TTC7B: variants seen among roughly 807,000 people sequenced by gnomAD.
TTC7B encodes the protein tetratricopeptide repeat protein 7B.
In TTC7B, 28 loss-of-function variants were observed where a neutral mutation model predicts 106.8. That is an observed-to-expected ratio of 0.26 (90% CI 0.19 to 0.36). TTC7B has a LOEUF of 0.36. Ranked by LOEUF, TTC7B falls within the 10% of genes least tolerant of loss-of-function variation. The pLI is 1.00. For synonymous variants in TTC7B, 405 were observed against 430.6 expected, an observed-to-expected ratio of 0.94 and a Z score of 0.74; for missense variants, 862 against 1,076.4, an observed-to-expected ratio of 0.80 and a Z score of 2.79.
intron 19 of TTC7B, among the ~76,000 whole-genome samples, chr14:90,573,983 A>T (rs1891155758): frequency 6.6e-6 from 1 of 152,136 alleles, no homozygotes; most frequent in Non-Finnish European, 1.5e-5. Flanking sequence ...TGCCCTCAAA[A>T]GCCCAGGCTG....
At position 90,532,075 on chromosome 14, in the gene TTC7B, G is replaced by A. The variant is rs972332521; in HGVS notation, c.*9293C>T. 1.3e-5 allele frequency: 2 copies of A among 152,278 alleles called. No individual in the cohort carries two copies. The highest frequency in any genetic ancestry group is 4.8e-5 in the African/African-American group (2 of 41,432). The allele number at this position is 152,278 out of a possible 1,614,324, so 9.4% of individuals were successfully genotyped here. Reference sequence around the variant, plus strand: ...CCAGCTACTCAGGAGGCTGAGGTGGGAGGATCACTTGAGCCTGGGAGGTGG... The same window carrying A: ...CCAGCTACTCAGGAGGCTGAGGTGGAAGGATCACTTGAGCCTGGGAGGTGG... On this transcript the variant is annotated 3_prime_UTR_variant, in exon 20 of 20. Transcript: ENST00000328459.
At chr14:90,722,398 G>A (rs1035321258) in intron 5 of TTC7B, among the ~76,000 whole-genome samples, 2 of 152,072 alleles carry the variant, frequency 1.3e-5, no homozygotes, top group South Asian at 4.2e-4. Flanking sequence ...CTAGATTCCT[G>A]GTGGCCAAAT....
At chr14:90,617,370 G>A (rs1357202276) in intron 16 of TTC7B, among the ~76,000 whole-genome samples, 2 of 152,148 alleles carry the variant, frequency 1.3e-5, no homozygotes, top group Non-Finnish European at 2.9e-5. Flanking sequence ...ACTCTTCTGT[G>A]AATAGGTCTT....
chr14:90,705,261 C>T (rs1302939345), intron 5 of TTC7B, among the ~76,000 whole-genome samples: 1 of 152,174 alleles, frequency 6.6e-6, no homozygotes, highest in African/African-American at 2.4e-5. Flanking sequence ...CAGCCATCAT[C>T]TTCTTCTGAG....
rs2139744634 is a variant in TTC7B at position 90,526,401 on chromosome 14, C to T, written c.*14967G>A. On this transcript the variant is annotated 3_prime_UTR_variant, in exon 20 of 20. Transcript: ENST00000328459. ...TTTCAGAGATAACACAGGGAATTCC[C>T]ATTTACCCTTCACTCAATTTCCCCT... 2 of 152,326 alleles carry T rather than the reference C, an allele frequency of 1.3e-5. No individual in the cohort carries two copies. Among genetic ancestry groups the T allele is most frequent in the Admixed American group, 1.3e-4 (2 of 15,302 alleles). 9.4% of individuals were successfully genotyped at this position (152,326 alleles called of 1,614,324 possible).
chr14:90,786,663 T>C (rs1891401867), intron 1 of TTC7B, among the ~76,000 whole-genome samples: 1 of 152,032 alleles, frequency 6.6e-6, no homozygotes, highest in African/African-American at 2.4e-5. Flanking sequence ...CACCGCAACC[T>C]CCACCTCCCG....
chr14:90,709,726 G>T (rs1178259045), intron 5 of TTC7B, among the ~76,000 whole-genome samples: 2 of 151,368 alleles, frequency 1.3e-5, no homozygotes, highest in African/African-American at 4.9e-5. Flanking sequence ...TGAAAAAAAA[G>T]AATATTTATG....
intron 4 of TTC7B, among the ~76,000 whole-genome samples, chr14:90,731,712 G>A (rs1889337165): frequency 6.6e-6 from 1 of 152,134 alleles, no homozygotes; most frequent in Non-Finnish European, 1.5e-5. Flanking sequence ...TGCCAGAGAT[G>A]CACGCGGCAC....
intron 17 of TTC7B, among the ~76,000 whole-genome samples, chr14:90,597,464 C>A (rs997674381): frequency 6.6e-6 from 1 of 152,050 alleles, no homozygotes; most frequent in Non-Finnish European, 1.5e-5. Flanking sequence ...TTGAGACCAG[C>A]CTGGTCAACA....
At chr14:90,681,968 T>C (rs1473056525) in intron 7 of TTC7B, among the ~76,000 whole-genome samples, 3 of 151,852 alleles carry the variant, frequency 2.0e-5, no homozygotes, top group East Asian at 3.9e-4. Context: ...TTACATGCAA[T>C]TGGGACCTTG....
intron 8 of TTC7B, 127 bp downstream of exon 8, chr14:90,680,345 T>A: frequency 1.5e-6 from 1 of 675,624 alleles, no homozygotes; most frequent in Non-Finnish European, 2.5e-6. Context: ...TTTTTTCCCA[T>A]CCAGGTATAC....
In TTC7B at chr14:90,793,686, G is replaced by A. The variant is rs550377590; in HGVS notation, c.122-7358C>T. On this transcript the variant is annotated intron_variant, in intron 1 of 19. Transcript: ENST00000328459. ...TGCAATGGCACGTCTTCTGCTCACC[G>A]CAACCTCCACCTCCTGGGTTCAAGC... 1.6e-3 allele frequency among the ~76,000 whole-genome samples: 230 copies of A among 146,676 alleles called. 1 individual carries two copies. Among genetic ancestry groups the A allele is most frequent in the Non-Finnish European group, 2.6e-3 (174 of 66,942 alleles).
At chr14:90,781,040 A>C in intron 2 of TTC7B, 134 bp from the exon 3 acceptor site, 1 of 758,802 alleles carries the variant, frequency 1.3e-6, no homozygotes. Context: ...TGTTCTGAGC[A>C]GTGTTATCCA....
intron 18 of TTC7B, among the ~76,000 whole-genome samples, chr14:90,586,566 G>A (rs1046147972): frequency 1.3e-5 from 2 of 152,144 alleles, no homozygotes; most frequent in Admixed American, 6.5e-5. Flanking sequence ...CACTGCACCC[G>A]GCTGTTCCCC....
intron 18 of TTC7B, among the ~76,000 whole-genome samples, chr14:90,579,037 C>G (rs1891377314): frequency 1.3e-5 from 2 of 152,224 alleles, no homozygotes; most frequent in African/African-American, 4.8e-5. Flanking sequence ...GCCCTGGCCT[C>G]CCTGAAGAGC....
chr14:90,749,278 T>C lies in TTC7B; in HGVS notation c.446-4356A>G, dbSNP rs1352402071. On this transcript the variant is annotated intron_variant, in intron 3 of 19. Coordinates refer to ENST00000328459, the MANE Select transcript of TTC7B (RefSeq NM_001010854.2). ...TAAAATTTGAAAAACATCCAGCCAT[T>C]TTATCTTCAAAAATGTTTATGTCAC... Among the ~76,000 whole-genome samples, 13 of 152,168 alleles carry C rather than the reference T, an allele frequency of 8.5e-5. No individual in the cohort carries two copies. In the East Asian group the frequency reaches 2.5e-3, roughly 29 times the overall value.
At chr14:90,748,877 C>A (rs1890050726) in intron 3 of TTC7B, among the ~76,000 whole-genome samples, 1 of 152,156 alleles carries the variant, frequency 6.6e-6, no homozygotes. Context: ...TGTGTAAATT[C>A]ATATTTCCTC....
At chr14:90,642,438 G>A (rs141186220) in intron 15 of TTC7B, among the ~76,000 whole-genome samples, 1 of 152,330 alleles carries the variant, frequency 6.6e-6, no homozygotes, top group Non-Finnish European at 1.5e-5. Flanking sequence ...AAAGTTTGTG[G>A]CTGCACTTCC....
At chr14:90,594,439 G>A (rs1892117418) in intron 17 of TTC7B, among the ~76,000 whole-genome samples, 2 of 152,116 alleles carry the variant, frequency 1.3e-5, no homozygotes, top group Admixed American at 1.3e-4. Flanking sequence ...GAGGATCGGA[G>A]ACCACCTCCT....
Sources: gnomAD v4.1 joint callset for allele counts (sites outside exome capture counted in the v4.1 genomes callset) on GRCh38, gnomAD v4.1.1 for gene constraint, MANE v1.5 for transcripts, NCBI Gene and HGNC (gene_info 2026-07-23, HGNC 2026-07-21) for gene names.